The following TMEM135 variants were observed in gnomAD, a reference collection of about 807,000 sequenced individuals.
TMEM135 encodes the protein peroxisomal membrane protein 52.
In TMEM135, 30 loss-of-function variants were observed where a neutral mutation model predicts 60.3. The ratio of observed to expected loss-of-function variants is 0.50; its 90% CI spans 0.37 to 0.68. The LOEUF (loss-of-function observed/expected upper bound fraction) is 0.68. Ranked by LOEUF, TMEM135 falls within the 30% of genes least tolerant of loss-of-function variation. The pLI is 0.00. For missense variants in TMEM135, 468 were observed against 548.8 expected, an observed-to-expected ratio of 0.85 and a Z score of 1.47; for synonymous variants, 190 against 186.7, an observed-to-expected ratio of 1.02 and a Z score of -0.14.
chr11:87,241,464 A>C (rs1246149479), intron 6 of TMEM135, among the ~76,000 whole-genome samples: 1 of 152,136 alleles, frequency 6.6e-6, no homozygotes, highest in East Asian at 1.9e-4. Context: ...ATCAGGATAA[A>C]TGATTCATTG....
chr11:87,060,487 CAT>C (rs1311972757), intron 1 of TMEM135, among the ~76,000 whole-genome samples: 1 of 152,166 alleles, frequency 6.6e-6, no homozygotes, highest in East Asian at 1.9e-4. Context: ...AAATTTATAA[CAT>C]GCAGTATGGA....
intron 1 of TMEM135, among the ~76,000 whole-genome samples, chr11:87,054,174 C>T (rs1026069608): frequency 1.5e-4 from 23 of 151,774 alleles, no homozygotes; most frequent in Non-Finnish European, 3.1e-4. Context: ...TTGGCTTACA[C>T]CTGTAATCCC....
intron 4 of TMEM135, among the ~76,000 whole-genome samples, chr11:87,114,808 G>A (rs1372360127): frequency 1.3e-5 from 2 of 152,186 alleles, no homozygotes; most frequent in African/African-American, 4.8e-5. Flanking sequence ...GGGCATAGCT[G>A]TACAGGACTT....
chr11:87,134,737 T>C (rs1938043867), intron 4 of TMEM135, among the ~76,000 whole-genome samples: 2 of 152,174 alleles, frequency 1.3e-5, no homozygotes, highest in African/African-American at 4.8e-5. Context: ...CCTCCCACTT[T>C]GTCCTTTTGA....
Position 87,305,971 on chromosome 11 carries a change from A to G in TMEM135, c.734A>G (p.His245Arg). The G allele has an allele frequency of 1.2e-6, 2 of 1,603,534 alleles. No individual in the cohort carries two copies. Among genetic ancestry groups the G allele is most frequent in the Non-Finnish European group, 1.7e-6 (2 of 1,174,024 alleles). ...KHGPRHRCCK[H>R]YEDNCISYCI... Reference sequence around the variant, plus strand: ...GGACCAAGGCATAGATGTTGCAAACATTATGAAGATAATTGCATCTCTTAT... The same window carrying G: ...GGACCAAGGCATAGATGTTGCAAACGTTATGAAGATAATTGCATCTCTTAT... Residue 245 changes from histidine (H) to arginine (R), a missense_variant, in exon 9 of 15, where the codon CAT becomes CGT. His to Arg is a conservative substitution (Grantham distance 29). Coordinates refer to ENST00000305494, the MANE Select transcript of TMEM135 (RefSeq NM_022918.4).
intron 5 of TMEM135, among the ~76,000 whole-genome samples, chr11:87,212,599 A>G (rs1236886946): frequency 6.6e-6 from 1 of 152,038 alleles, no homozygotes; most frequent in Non-Finnish European, 1.5e-5. Flanking sequence ...AGGTGGGTGG[A>G]TCACCTGAGC....
chr11:87,296,784 A>T (rs1192137771), intron 7 of TMEM135, among the ~76,000 whole-genome samples: 3 of 152,196 alleles, frequency 2.0e-5, no homozygotes, highest in Non-Finnish European at 4.4e-5. Context: ...ATAGCTTTCG[A>T]TAACTACAGG....
chr11:87,294,271 A>G (rs1452324722), intron 6 of TMEM135, among the ~76,000 whole-genome samples: 1 of 152,208 alleles, frequency 6.6e-6, no homozygotes, highest in Non-Finnish European at 1.5e-5. Context: ...ACTGCATCTA[A>G]TAAAAATGTA....
intron 4 of TMEM135, among the ~76,000 whole-genome samples, chr11:87,142,434 A>G (rs749812103): frequency 1.3e-5 from 2 of 152,048 alleles, no homozygotes; most frequent in African/African-American, 4.8e-5. Context: ...GTTTTCCCCT[A>G]TCTCAATTAT....
intron 8 of TMEM135, 132 bp from the exon 9 acceptor site, chr11:87,305,804 T>TAAATAAAGAAAGAAAGAAAG (rs1026222945): frequency 0.013 from 5,402 of 412,196 alleles, 57 homozygotes; most frequent in Admixed American, 0.022. Context: ...AATAAATAAA[T>TAAATAAAGAAAGAAAGAAAG]AAAGTGATGT....
intron 6 of TMEM135, among the ~76,000 whole-genome samples, chr11:87,264,389 C>T (rs1219604183): frequency 6.6e-6 from 1 of 151,268 alleles, no homozygotes; most frequent in East Asian, 1.9e-4. Context: ...CACTATGGCA[C>T]CTAACATTAT....
chr11:87,082,173 C>T (rs1414545863), intron 3 of TMEM135, among the ~76,000 whole-genome samples: 3 of 151,928 alleles, frequency 2.0e-5, no homozygotes, highest in Non-Finnish European at 4.4e-5. Flanking sequence ...TTTTCTTTTC[C>T]CTTTGGAGTT....
At position 87,167,282 on chromosome 11, in the gene TMEM135, T is replaced by C. The variant is rs980093192; in HGVS notation, c.462+9876T>C. On this transcript the variant is annotated intron_variant, in intron 5 of 14. Coordinates refer to ENST00000305494, the MANE Select transcript of TMEM135 (RefSeq NM_022918.4). The stretch of plus-strand genomic sequence containing the variant: ...ATAATTTGACTTCCTCTCTTCCTAT[T>C]TGAGTACGCTTTATTTCTTTCTCTT... Among the ~76,000 whole-genome samples the C allele has an allele frequency of 9.8e-5, 15 of 152,292 alleles. No individual in the cohort carries two copies. In the East Asian group the frequency reaches 1.5e-3, roughly 16 times the overall value.
chr11:87,125,540 A>C (rs1388775542), intron 4 of TMEM135, among the ~76,000 whole-genome samples: 3 of 152,212 alleles, frequency 2.0e-5, no homozygotes, highest in Non-Finnish European at 4.4e-5. Context: ...ATTTATAGCT[A>C]AGGAGTCTGT....
intron 1 of TMEM135, among the ~76,000 whole-genome samples, chr11:87,063,304 G>A (rs1209416642): frequency 6.6e-6 from 1 of 152,042 alleles, no homozygotes; most frequent in Non-Finnish European, 1.5e-5. Flanking sequence ...TAACCATAGT[G>A]GTATGATGTG....
In TMEM135 at chr11:87,323,781, A is replaced by G. The variant is rs193232367; in HGVS notation, c.*2448A>G. 16 of 453,982 alleles carry G rather than the reference A, an allele frequency of 3.5e-5. No individual in the cohort carries two copies. Among genetic ancestry groups the G allele is most frequent in the Admixed American group, 1.9e-4 (8 of 42,560 alleles). The allele number at this position is 453,982 out of a possible 1,614,324, so 28.1% of individuals were successfully genotyped here. A position where few individuals can be genotyped will look rare whatever the true frequency, so the allele number is the denominator to read the frequency against. On this transcript the variant is annotated 3_prime_UTR_variant, in exon 15 of 15. Coordinates refer to ENST00000305494, the MANE Select transcript of TMEM135 (RefSeq NM_022918.4). Reference sequence around the variant, plus strand: ...TAACAGATTGTCTCAAATCTATTCAATTCTCAGCAGTTTTTCATCAAATAA... The same window carrying G: ...TAACAGATTGTCTCAAATCTATTCAGTTCTCAGCAGTTTTTCATCAAATAA...
intron 4 of TMEM135, among the ~76,000 whole-genome samples, chr11:87,146,427 G>C (rs1017265745): frequency 1.1e-4 from 16 of 152,138 alleles, no homozygotes; most frequent in African/African-American, 3.9e-4. Flanking sequence ...GCATCACCAT[G>C]CCAGGCTAAT....
intron 5 of TMEM135, among the ~76,000 whole-genome samples, chr11:87,192,446 T>A (rs116213278): frequency 0.027 from 4,139 of 152,288 alleles, 169 homozygotes; most frequent in African/African-American, 0.091. Flanking sequence ...TACGTATTTA[T>A]GTATGTTATA....
intron 1 of TMEM135, among the ~76,000 whole-genome samples, chr11:87,061,142 A>G (rs1368985206): frequency 1.3e-5 from 2 of 152,220 alleles, no homozygotes; most frequent in African/African-American, 4.8e-5. Flanking sequence ...CAAGTGCTAT[A>G]TAAGCATTTT....
Sources: gnomAD v4.1 joint callset for allele counts (sites outside exome capture counted in the v4.1 genomes callset) on GRCh38, gnomAD v4.1.1 for gene constraint, MANE v1.5 for transcripts, NCBI Gene and HGNC (gene_info 2026-07-23, HGNC 2026-07-21) for gene names.